Variants in DCLK2 observed in about 807,000 individuals in gnomAD.
DCLK2 encodes the protein serine/threonine-protein kinase DCLK2.
A neutral mutation model predicts 78.4 loss-of-function variants in DCLK2; 31 were observed. That is an observed-to-expected ratio of 0.40 (90% CI 0.30 to 0.53). The LOEUF is 0.53. Among genes scored for constraint, DCLK2 ranks in the 20% least tolerant of loss-of-function variants. The probability of loss-of-function intolerance (pLI) is 0.61; values close to 1 mark genes in which losing one functional copy is unlikely to be tolerated. For synonymous variants in DCLK2, 407 were observed against 374.9 expected, an observed-to-expected ratio of 1.09 and a Z score of -0.99; for missense variants, 872 against 973.7, an observed-to-expected ratio of 0.90 and a Z score of 1.39.
chr4:150,138,249 T>C (rs1733834299), intron 2 of DCLK2, among the ~76,000 whole-genome samples: 1 of 152,220 alleles, frequency 6.6e-6, no homozygotes, highest in Admixed American at 6.5e-5. Context: ...CCTGGCTTTG[T>C]CACACTCTAG....
chr4:150,078,863 G>C lies in DCLK2; in HGVS notation c.-165G>C. On this transcript the variant is annotated 5_prime_UTR_variant, in exon 1 of 16. Coordinates refer to ENST00000296550, the MANE Select transcript of DCLK2 (RefSeq NM_001040260.4). ...TTTTAGCTGAGGGCGCGGGCGGGTC[G>C]GCTCCTCCGCGGCTCCTCGGCCCCA... The C allele has an allele frequency of 1.1e-6, 1 of 873,412 alleles. No homozygotes were observed. Among genetic ancestry groups the C allele is most frequent in the Non-Finnish European group, 1.6e-6 (1 of 617,050 alleles). The allele number at this position is 873,412 out of a possible 1,614,324, so 54.1% of individuals were successfully genotyped here. A position where few individuals can be genotyped will look rare whatever the true frequency, so the allele number is the denominator to read the frequency against.
At chr4:150,164,988 A>G (rs1270788792) in intron 2 of DCLK2, among the ~76,000 whole-genome samples, 1 of 152,214 alleles carries the variant, frequency 6.6e-6, no homozygotes, top group African/African-American at 2.4e-5. Flanking sequence ...CCAATTTATG[A>G]CAACACTTGT....
chr4:150,174,308 T>G (rs769540177), intron 2 of DCLK2, among the ~76,000 whole-genome samples: 1 of 152,238 alleles, frequency 6.6e-6, no homozygotes. Context: ...ACCTCTCTTA[T>G]GAAGCTGCTG....
Position 150,174,330 on chromosome 4 carries a change from T to C in DCLK2, c.757-18808T>C, listed in dbSNP as rs187606860. 4.6e-5 allele frequency among the ~76,000 whole-genome samples: 7 copies of C among 152,300 alleles called. No individual in the cohort carries two copies. In the East Asian group the frequency reaches 1.4e-3, roughly 29 times the overall value. ...TTATGAAGCTGCTGCTTGTCAGCAT[T>C]GATATTCCCAAGGTGGTCTCCTAAG... On this transcript the variant is annotated intron_variant, in intron 2 of 15. Transcript: ENST00000296550.
chr4:150,240,495 G>C lies in DCLK2; in HGVS notation c.1778+19G>C. 1 of 1,571,482 alleles carries C rather than the reference G, an allele frequency of 6.4e-7. No individual in the cohort carries two copies. Among genetic ancestry groups the C allele is most frequent in the Non-Finnish European group, 8.7e-7 (1 of 1,152,532 alleles). On this transcript the variant is annotated intron_variant, in intron 12 of 15. Coordinates refer to ENST00000296550, the MANE Select transcript of DCLK2 (RefSeq NM_001040260.4). ...TCCGAAGGTAGGCGGCCTTTTGGGCGACGTATTTGAATTGCAAATGTTCTC... is the reference window on the plus strand; with the variant it reads ...TCCGAAGGTAGGCGGCCTTTTGGGCCACGTATTTGAATTGCAAATGTTCTC...
intron 4 of DCLK2, 98 bp from the exon 5 acceptor site, chr4:150,203,697 C>T (rs1739624727): frequency 3.6e-6 from 3 of 841,628 alleles, no homozygotes; most frequent in South Asian, 2.6e-5. Flanking sequence ...GTTGAAGCTT[C>T]ATTGGACCTA....
chr4:150,102,841 A>C, intron 2 of DCLK2, 29 bp downstream of exon 2: 1 of 1,558,688 alleles, frequency 6.4e-7, no homozygotes, highest in Non-Finnish European at 8.6e-7. Context: ...CCAGCTCTCC[A>C]TCTGACTTTT....
intron 2 of DCLK2, among the ~76,000 whole-genome samples, chr4:150,163,712 G>A (rs983149923): frequency 1.3e-5 from 2 of 152,132 alleles, no homozygotes; most frequent in African/African-American, 4.8e-5. Context: ...TTACTATATT[G>A]TGCAGGCATG....
chr4:150,128,712 A>G (rs1468619286), intron 2 of DCLK2, among the ~76,000 whole-genome samples: 1 of 152,172 alleles, frequency 6.6e-6, no homozygotes, highest in Non-Finnish European at 1.5e-5. Context: ...AAGAAATGCC[A>G]CTGGTTTCAT....
chr4:150,102,417 T>G (rs1309056583), intron 1 of DCLK2, 61 bp from the exon 2 acceptor site: 2 of 1,522,704 alleles, frequency 1.3e-6, no homozygotes, highest in Non-Finnish European at 1.8e-6. Context: ...ATCTGTTCTT[T>G]AGACCAAATG....
At chr4:150,092,373 A>G (rs1054328390) in intron 1 of DCLK2, among the ~76,000 whole-genome samples, 1 of 152,118 alleles carries the variant, frequency 6.6e-6, no homozygotes, top group South Asian at 2.1e-4. Context: ...TAATTTTTTG[A>G]GGAACTTTCA....
At chr4:150,240,154 C>T (rs772341729) in intron 11 of DCLK2, among the ~76,000 whole-genome samples, 27 of 152,192 alleles carry the variant, frequency 1.8e-4, no homozygotes, top group Admixed American at 3.3e-4. Context: ...GGCCAGAGCC[C>T]TGGCCTGGAC....
intron 4 of DCLK2, among the ~76,000 whole-genome samples, 159 bp downstream of exon 4, chr4:150,198,262 T>G (rs1739207238): frequency 6.6e-6 from 1 of 152,216 alleles, no homozygotes; most frequent in Non-Finnish European, 1.5e-5. Flanking sequence ...AAGTCAAGTC[T>G]GTTTCCCCAG....
chr4:150,220,927 C>T (rs188045968), intron 6 of DCLK2, 149 bp downstream of exon 6: 8 of 559,246 alleles, frequency 1.4e-5, no homozygotes, highest in South Asian at 3.2e-5. Context: ...TAGTAAGAGG[C>T]GGGGATGGGG....
intron 2 of DCLK2, among the ~76,000 whole-genome samples, chr4:150,120,913 A>G (rs1480146027): frequency 6.6e-6 from 1 of 152,128 alleles, no homozygotes; most frequent in Non-Finnish European, 1.5e-5. Context: ...TACTAAAAAT[A>G]CAAAAAAATT....
chr4:150,110,892 A>T (rs920157696), intron 2 of DCLK2, among the ~76,000 whole-genome samples: 1 of 152,124 alleles, frequency 6.6e-6, no homozygotes, highest in African/African-American at 2.4e-5. Context: ...TGGTTAATGG[A>T]CACTTAGATT....
chr4:150,183,025 A>G (rs72967228), intron 2 of DCLK2, among the ~76,000 whole-genome samples: 28 of 152,300 alleles, frequency 1.8e-4, no homozygotes, highest in African/African-American at 6.7e-4. Context: ...AAGAAAATCC[A>G]TAAAAAATGC....
At chr4:150,101,150 A>T (rs1336997033) in intron 1 of DCLK2, among the ~76,000 whole-genome samples, 3 of 152,090 alleles carry the variant, frequency 2.0e-5, no homozygotes, top group African/African-American at 4.8e-5. Flanking sequence ...AGCTACTTGG[A>T]AGGCTGAGGT....
chr4:150,117,248 T>C (rs972987598), intron 2 of DCLK2, among the ~76,000 whole-genome samples: 3 of 152,170 alleles, frequency 2.0e-5, no homozygotes, highest in Non-Finnish European at 4.4e-5. Flanking sequence ...ACGGCAGTAA[T>C]TCCCACCAGC....
Sources: gnomAD v4.1 joint callset for allele counts (sites outside exome capture counted in the v4.1 genomes callset) on GRCh38, gnomAD v4.1.1 for gene constraint, MANE v1.5 for transcripts, NCBI Gene and HGNC (gene_info 2026-07-23, HGNC 2026-07-21) for gene names.